PCDH8: variants seen among roughly 807,000 people sequenced by gnomAD.
PCDH8 encodes protocadherin-8.
A neutral mutation model predicts 58.2 loss-of-function variants in PCDH8; 36 were observed. The observed-to-expected ratio is 0.62, with a 90% CI of 0.47 to 0.82. The LOEUF is 0.82. Ranked by LOEUF, PCDH8 falls within the 40% of genes least tolerant of loss-of-function variation. The pLI, the probability that PCDH8 is intolerant of heterozygous loss-of-function variation, is 0.00. For synonymous variants in PCDH8, 775 were observed against 728.9 expected (o/e 1.06, Z -1.02); for missense variants, 1,493 against 1,567.8 (o/e 0.95, Z 0.81).
chr13:52,847,891 G>A lies in PCDH8; in HGVS notation c.546C>T (p.Arg182=). The A allele has an allele frequency of 6.4e-7, 1 of 1,560,288 alleles. No individual in the cohort carries two copies. Among genetic ancestry groups the A allele is most frequent in the Non-Finnish European group, 8.6e-7 (1 of 1,157,988 alleles). Residue 182 remains arginine (R), a synonymous_variant, in exon 1 of 3, where the codon CGC becomes CGT. Transcript: ENST00000377942. Reference sequence around the variant, plus strand: ...CGTCCGCTCGCGTCTGCAGCTCCACGCGAAAGGGGCTGTGCGGCTCGGCCA... The same window carrying A: ...CGTCCGCTCGCGTCTGCAGCTCCACACGAAAGGGGCTGTGCGGCTCGGCCA... ...VRLAEPHSPF[R]VELQTRADGA...
At position 52,847,836 on chromosome 13, in the gene PCDH8, G is replaced by C. The variant is rs980957184; in HGVS notation, c.601C>G (p.Gln201Glu). ...GAQCADLVLL[Q>E]ELDRESQAAY... ...GCCTGGCTCTCGCGGTCCAGCTCCT[G>C]CAGCAGCACCAGGTCTGCGCACTGA... The change falls in exon 1 of 3, where the codon CAG (glutamine) becomes GAG (glutamate). Residue 201 changes from glutamine (Q) to glutamate (E), a missense_variant. By Grantham distance (29) the Gln-to-Glu change is conservative (BLOSUM62 2). Coordinates refer to ENST00000377942, the MANE Select transcript of PCDH8 (RefSeq NM_002590.4). The C allele has an allele frequency of 1.2e-5, 18 of 1,498,650 alleles. No homozygotes were observed. In the Admixed American group the frequency reaches 3.9e-4, roughly 32 times the overall value. The allele number at this position is 1,498,650 out of a possible 1,614,324, so 92.8% of individuals were successfully genotyped here.
At position 52,847,336 on chromosome 13, in the gene PCDH8, G is replaced by T; in HGVS notation, c.1101C>A (p.Thr367=). 1 of 1,454,310 alleles carries T rather than the reference G, an allele frequency of 6.9e-7. No individual in the cohort carries two copies. Among genetic ancestry groups the T allele is most frequent in the Admixed American group, 2.6e-5 (1 of 38,044 alleles). The allele number at this position is 1,454,310 out of a possible 1,614,324, so 90.1% of individuals were successfully genotyped here. Residue 367 remains threonine, a synonymous_variant, in exon 1 of 3, where the codon ACC becomes ACA. Transcript: ENST00000377942. ...CGGCGGCGGCAGCGGCGAAGGGTGA[G>T]GTTGCCGGCGCGCCTGGGGCGGCCA... ...TPLAAPGAPA[T]SPFAAAAAAA...
rs572790621 is a variant in PCDH8 at position 52,847,280 on chromosome 13, G to C, written c.1157C>G (p.Ser386Trp). 9 of 1,381,958 alleles carry C rather than the reference G, an allele frequency of 6.5e-6. No homozygotes were observed. The highest frequency in any genetic ancestry group is 8.4e-6 in the Non-Finnish European group (9 of 1,074,212). The allele number at this position is 1,381,958 out of a possible 1,614,324, so 85.6% of individuals were successfully genotyped here. The change falls in exon 1 of 3, where the codon TCG becomes TGG. Residue 386 changes from serine to tryptophan, a missense_variant. Around this residue, in one of 3 missense-constraint regions of PCDH8, gnomAD observed 1,307 missense variants for 1,362.7 expected, o/e 0.96. Transcript: ENST00000377942. Reference protein sequence around the residue: ...AAALGGADASSPAGAGTPEAG... With the variant: ...AAALGGADASWPAGAGTPEAG... ...CTCCGGCGTCCCGGCTCCCGCCGGCGAGCTAGCGTCCGCTCCCCCGAGTGC... is the reference window on the plus strand; with the variant it reads ...CTCCGGCGTCCCGGCTCCCGCCGGCCAGCTAGCGTCCGCTCCCCCGAGTGC...
rs1965730939 is a variant in PCDH8 at position 52,846,174 on chromosome 13, C to T, written c.2263G>A (p.Val755Met). Residue 755 changes from valine to methionine, a missense_variant, in exon 1 of 3, where the codon GTG becomes ATG. Around this residue, in one of 3 missense-constraint regions of PCDH8, gnomAD observed 1,307 missense variants for 1,362.7 expected, o/e 0.96. Coordinates refer to ENST00000377942, the MANE Select transcript of PCDH8 (RefSeq NM_002590.4). The stretch of plus-strand genomic sequence containing the variant: ...AGCAGCGTGCAGCTCCCGGCCAGCA[C>T]GATGATGACGATCAGCGGCGTGTCC... ...QWDTPLIVII[V>M]LAGSCTLLLA... is the part of the protein sequence containing the mutation. 1.3e-6 allele frequency: 2 copies of T among 1,586,468 alleles called. No homozygotes were observed. Among genetic ancestry groups the T allele is most frequent in the Non-Finnish European group, 8.5e-7 (1 of 1,174,750 alleles).
Position 52,846,329 on chromosome 13 carries a change from G to C in PCDH8, c.2108C>G (p.Thr703Ser). The change falls in exon 1 of 3, where the codon ACC becomes AGC. Residue 703 changes from threonine (T) to serine (S), a missense_variant. Thr to Ser is a moderately conservative substitution (Grantham distance 58). Transcript: ENST00000377942. Reference sequence around the variant, plus strand: ...TGTTACCACGAAGCTGACAGTTGCGGTGGTGGTGAGCGGGGGACGGCCGCC... The same window carrying C: ...TGTTACCACGAAGCTGACAGTTGCGCTGGTGGTGAGCGGGGGACGGCCGCC... ...SDGGRPPLTT[T>S]ATVSFVVTAG... 2 of 1,568,280 alleles carry C rather than the reference G, an allele frequency of 1.3e-6. No homozygotes were observed. The highest frequency in any genetic ancestry group is 2.3e-5 in the South Asian group (2 of 86,098).
rs747343829 is a variant in PCDH8 at position 52,846,992 on chromosome 13, G to T, written c.1445C>A (p.Pro482His). 2 of 1,586,656 alleles carry T rather than the reference G, an allele frequency of 1.3e-6. No individual in the cohort carries two copies. The highest frequency in any genetic ancestry group is 2.3e-5 in the South Asian group (2 of 88,184). ...RGAPPLRTVR[P>H]YTVRVGDEND... ...CTCGTCGCCCACACGCACCGTGTAGGGCCGCACTGTGCGCAGCGGGGGCGC... is the reference window on the plus strand; with the variant it reads ...CTCGTCGCCCACACGCACCGTGTAGTGCCGCACTGTGCGCAGCGGGGGCGC... Residue 482 changes from proline to histidine, a missense_variant, in exon 1 of 3, where the codon CCC (proline) becomes CAC (histidine). This residue lies in a region of PCDH8 where 1,307 missense variants were observed against 1,362.7 expected (regional missense o/e 0.96). Transcript: ENST00000377942.
rs1477962613 is a variant in PCDH8, at chr13:52,848,206, G to A, written c.231C>T (p.Arg77=). Residue 77 remains arginine, a synonymous_variant, in exon 1 of 3, where the codon CGC becomes CGT. Coordinates refer to ENST00000377942, the MANE Select transcript of PCDH8 (RefSeq NM_002590.4). The part of the protein sequence containing the change: ...KQFNSSLLRV[R]EGDGQLTVGD... ...CGACGGTCAGCTGCCCGTCGCCTTCGCGCACCCGGAGCAGAGAGCTGTTGA... is the reference window on the plus strand; with the variant it reads ...CGACGGTCAGCTGCCCGTCGCCTTCACGCACCCGGAGCAGAGAGCTGTTGA... 6.2e-7 allele frequency: 1 copy of A among 1,612,910 alleles called. No individual in the cohort carries two copies.
At position 52,846,933 on chromosome 13, in the gene PCDH8, A is replaced by C. The variant is rs759508494; in HGVS notation, c.1504T>G (p.Tyr502Asp). 6.3e-7 allele frequency: 1 copy of C among 1,595,072 alleles called. No homozygotes were observed. The highest frequency in any genetic ancestry group is 8.5e-7 in the Non-Finnish European group (1 of 1,173,676). The change falls in exon 1 of 3, where the codon TAT becomes GAT. Residue 502 changes from tyrosine (Y) to aspartate (D), a missense_variant. Coordinates refer to ENST00000377942, the MANE Select transcript of PCDH8 (RefSeq NM_002590.4). The stretch of plus-strand genomic sequence containing the variant: ...TTGTTCTCGCGCACCGACACCTCAT[A>C]GACCGGCCGCGTGAAGAGCGGCGCG... Reference protein sequence around the residue: ...DNAPLFTRPVYEVSVRENNPP... With the variant: ...DNAPLFTRPVDEVSVRENNPP...
rs780134538 is a variant in PCDH8 at position 52,848,292 on chromosome 13, G to A, written c.145C>T (p.Leu49=). The A allele has an allele frequency of 6.2e-7, 1 of 1,613,612 alleles. No individual in the cohort carries two copies. The highest frequency in any genetic ancestry group is 8.5e-7 in the Non-Finnish European group (1 of 1,180,038). ...EDAPGTVIGT[L]AEDLHMKVSG... ...ACTTTCATATGCAGGTCCTCGGCCA[G>A]GGTCCCGATGACCGTGCCGGGGGCA... Residue 49 remains leucine, a synonymous_variant, in exon 1 of 3, where the codon CTG becomes TTG. Transcript: ENST00000377942.
In PCDH8 at chr13:52,845,467, C is replaced by T; in HGVS notation, c.2797G>A (p.Gly933Arg). ...DFNDSDSDIS[G>R]DALKKDLINH... ...ATGAGATCCTTTTTCAGAGCGTCCCCGCTGATGTCGGAATCGCTGTCGTTG... is the reference window on the plus strand; with the variant it reads ...ATGAGATCCTTTTTCAGAGCGTCCCTGCTGATGTCGGAATCGCTGTCGTTG... Residue 933 changes from glycine to arginine, a missense_variant, in exon 2 of 3, where the codon GGG becomes AGG. Physicochemically the swap from Gly to Arg is moderately radical, Grantham distance 125. Around this residue, in one of 3 missense-constraint regions of PCDH8, gnomAD observed 182 missense variants for 178.9 expected, o/e 1.02. Coordinates refer to ENST00000377942, the MANE Select transcript of PCDH8 (RefSeq NM_002590.4). 1 of 1,614,210 alleles carries T rather than the reference C, an allele frequency of 6.2e-7. No homozygotes were observed. The highest frequency in any genetic ancestry group is 8.5e-7 in the Non-Finnish European group (1 of 1,180,040).
In PCDH8 at chr13:52,848,326, G is replaced by A; in HGVS notation, c.111C>T (p.Phe37=). 1 of 1,613,344 alleles carries A rather than the reference G, an allele frequency of 6.2e-7. No individual in the cohort carries two copies. Among genetic ancestry groups the A allele is most frequent in the Non-Finnish European group, 8.5e-7 (1 of 1,180,042 alleles). ...TGACCGTGCCGGGGGCATCCTCCTC[G>A]AAGGTGCTGTATCGGACTGTTTTGC... ...AQSKTVRYST[F]EEDAPGTVIG... The change falls in exon 1 of 3, where the codon TTC becomes TTT. Residue 37 remains phenylalanine (F), a synonymous_variant. Coordinates refer to ENST00000377942, the MANE Select transcript of PCDH8 (RefSeq NM_002590.4).
intron 1 of PCDH8, 42 bp downstream of exon 1, chr13:52,845,764 G>A (rs972666199): frequency 1.5e-5 from 23 of 1,499,806 alleles, no homozygotes; most frequent in East Asian, 2.5e-5. Flanking sequence ...CAGCCTGTCC[G>A]CGGAGCTCGG....
chr13:52,843,184 T>A lies in PCDH8; in HGVS notation c.*1376A>T, dbSNP rs1422614167. Reference sequence around the variant, plus strand: ...AATTTCAAATGAAATCCATAGAGTATAAGACATAGGCATAGTACTCTTGAG... The same window carrying A: ...AATTTCAAATGAAATCCATAGAGTAAAAGACATAGGCATAGTACTCTTGAG... On this transcript the variant is annotated 3_prime_UTR_variant, in exon 3 of 3. Coordinates refer to ENST00000377942, the MANE Select transcript of PCDH8 (RefSeq NM_002590.4). The A allele has an allele frequency of 6.6e-6, 1 of 152,244 alleles. No homozygotes were observed. The highest frequency in any genetic ancestry group is 1.5e-5 in the Non-Finnish European group (1 of 68,050). The allele number at this position is 152,244 out of a possible 1,614,324, so 9.4% of individuals were successfully genotyped here.
rs762734163 is a variant in PCDH8 at position 52,848,142 on chromosome 13, C to G, written c.295G>C (p.Ala99Pro). The G allele has an allele frequency of 6.2e-7, 1 of 1,612,704 alleles. No individual in the cohort carries two copies. The highest frequency in any genetic ancestry group is 8.5e-7 in the Non-Finnish European group (1 of 1,179,748). The change falls in exon 1 of 3, where the codon GCC (alanine) becomes CCC (proline). Residue 99 changes from alanine to proline, a missense_variant. Coordinates refer to ENST00000377942, the MANE Select transcript of PCDH8 (RefSeq NM_002590.4). ...TCGAAGGCCAGCACGCACTGCGGGG[C>G]CTGGCCACACAGCCGCTCGCGGTCC... ...GLDRERLCGQAPQCVLAFDVV... is the reference protein window; with the variant it reads ...GLDRERLCGQPPQCVLAFDVV...
Position 52,848,020 on chromosome 13 carries a change from C to A in PCDH8, c.417G>T (p.Gln139His). The A allele has an allele frequency of 3.7e-6, 6 of 1,611,110 alleles. No individual in the cohort carries two copies. The highest frequency in any genetic ancestry group is 5.1e-6 in the Non-Finnish European group (6 of 1,178,416). Residue 139 changes from glutamine to histidine, a missense_variant, in exon 1 of 3, where the codon CAG becomes CAT. Gln to His is a conservative substitution (Grantham distance 24). Transcript: ENST00000377942. ...NDHAPRFPRA[Q>H]IPVEVSEGAA... Reference sequence around the variant, plus strand: ...CACCCTCGGACACCTCTACCGGGATCTGGGCCCTGGGGAAGCGCGGCGCGT... The same window carrying A: ...CACCCTCGGACACCTCTACCGGGATATGGGCCCTGGGGAAGCGCGGCGCGT...
Position 52,843,736 on chromosome 13 carries a change from A to T in PCDH8, c.*824T>A, listed in dbSNP as rs572634591. 1 of 152,328 alleles carries T rather than the reference A, an allele frequency of 6.6e-6. No individual in the cohort carries two copies. The highest frequency in any genetic ancestry group is 1.5e-5 in the Non-Finnish European group (1 of 68,024). The allele number at this position is 152,328 out of a possible 1,614,324, so 9.4% of individuals were successfully genotyped here. On this transcript the variant is annotated 3_prime_UTR_variant, in exon 3 of 3. Coordinates refer to ENST00000377942, the MANE Select transcript of PCDH8 (RefSeq NM_002590.4). ...TCAATGAATATTTACCTAGTGAATA[A>T]ATGAGAGCAGGGATTTTATAGACTA...
At chr13:52,844,966 G>T in intron 2 of PCDH8, 33 bp from the exon 3 acceptor site, 1 of 1,510,644 alleles carries the variant, frequency 6.6e-7, no homozygotes, top group South Asian at 1.3e-5. Context: ...ACAGCATGAC[G>T]ATTATTCCTG....
rs554732392 is a variant in PCDH8 at position 52,845,747 on chromosome 13, C to T, written c.2631+59G>A. On this transcript the variant is annotated intron_variant, in intron 1 of 2. Transcript: ENST00000377942. ...CACCCACCCTACCCCTCCAGTCTCC[C>T]TTCCCCCAGCCTGTCCGCGGAGCTC... is the stretch of plus-strand genomic sequence containing the variant. 2.3e-5 allele frequency: 34 copies of T among 1,510,262 alleles called. No homozygotes were observed. In the African/African-American group the frequency reaches 3.3e-4, roughly 15 times the overall value. 93.6% of individuals were successfully genotyped at this position (1,510,262 alleles called of 1,614,324 possible).
In PCDH8 at chr13:52,848,056, G is replaced by T. The variant is rs1272514913; in HGVS notation, c.381C>A (p.Asp127Glu). The T allele has an allele frequency of 6.2e-7, 1 of 1,612,180 alleles. No homozygotes were observed. The highest frequency in any genetic ancestry group is 8.5e-7 in the Non-Finnish European group (1 of 1,179,486). The change falls in exon 1 of 3, where the codon GAC becomes GAA. Residue 127 changes from aspartate to glutamate, a missense_variant. Physicochemically the swap from Asp to Glu is conservative, Grantham distance 45. Coordinates refer to ENST00000377942, the MANE Select transcript of PCDH8 (RefSeq NM_002590.4). ...RLVHVEVEVR[D>E]VNDHAPRFPR... ...GGAAGCGCGGCGCGTGGTCGTTGACGTCCCTCACCTCTACCTCCACGTGCA... is the reference window on the plus strand; with the variant it reads ...GGAAGCGCGGCGCGTGGTCGTTGACTTCCCTCACCTCTACCTCCACGTGCA...
Sources: allele counts gnomAD v4.1 joint callset, GRCh38; gene constraint gnomAD v4.1.1; regional missense constraint gnomAD v4.1.1; transcripts MANE v1.5; gene names NCBI Gene and HGNC (gene_info 2026-07-23, HGNC 2026-07-21).